The following FOXP1 variants were observed in gnomAD, a reference collection of about 807,000 sequenced individuals.
FOXP1 encodes forkhead box P1, also known as forkhead box protein P1.
In FOXP1, 15 loss-of-function variants were observed where a neutral mutation model predicts 98.2. The observed-to-expected ratio is 0.15, with a 90% CI of 0.10 to 0.24. The LOEUF is 0.24. FOXP1 is among the 10% of genes least tolerant of loss of function. The pLI, the probability that FOXP1 is intolerant of heterozygous loss-of-function variation, is 1.00. For synonymous variants in FOXP1, 371 were observed against 314.5 expected (o/e 1.18, Z -1.90); for missense variants, 633 against 848.5 (o/e 0.75, Z 3.15).
At chr3:71,581,105 T>C in intron 2 of FOXP1, 1 of 972,124 alleles carries the variant, frequency 1.0e-6, no homozygotes, top group East Asian at 1.1e-4. Context: ...AGTTTCATTT[T>C]GGGTCTTCTG....
At chr3:71,539,959 C>T (rs1365004512) in intron 2 of FOXP1, among the ~76,000 whole-genome samples, 2 of 152,200 alleles carry the variant, frequency 1.3e-5, no homozygotes, top group African/African-American at 4.8e-5. Context: ...ACACCTAGCA[C>T]ATAGTAGACA....
intron 11 of FOXP1, among the ~76,000 whole-genome samples, chr3:71,026,385 T>C (rs746780646): frequency 1.3e-5 from 2 of 152,126 alleles, no homozygotes; most frequent in African/African-American, 2.4e-5. Flanking sequence ...ATCCAGTCTG[T>C]AGCTGGGTTA....
intron 17 of FOXP1, among the ~76,000 whole-genome samples, chr3:70,973,499 G>C (rs1323089667): frequency 1.3e-5 from 2 of 152,090 alleles, no homozygotes; most frequent in Non-Finnish European, 2.9e-5. Flanking sequence ...TATCAAAAAG[G>C]AGGATCTCAA....
At chr3:71,251,825 C>A (rs2068212600) in intron 5 of FOXP1, among the ~76,000 whole-genome samples, 1 of 152,190 alleles carries the variant, frequency 6.6e-6, no homozygotes, top group African/African-American at 2.4e-5. Context: ...TTTGTAGGCT[C>A]AACGTAGACT....
intron 6 of FOXP1, among the ~76,000 whole-genome samples, chr3:71,114,196 CTTAAAAAGGA>C (rs2058179776): frequency 6.6e-6 from 1 of 152,158 alleles, no homozygotes; most frequent in Non-Finnish European, 1.5e-5. Flanking sequence ...TAGTGTGTTC[CTTAAAAAGGA>C]ACAGGTGCTT....
intron 11 of FOXP1, among the ~76,000 whole-genome samples, chr3:71,038,213 A>C (rs2047865301): frequency 6.6e-6 from 1 of 152,200 alleles, no homozygotes; most frequent in Non-Finnish European, 1.5e-5. Context: ...CTTTGAAAAC[A>C]ACAGTAACTC....
At chr3:71,243,487 T>C (rs1434474356) in intron 5 of FOXP1, among the ~76,000 whole-genome samples, 1 of 152,186 alleles carries the variant, frequency 6.6e-6, no homozygotes, top group Non-Finnish European at 1.5e-5. Flanking sequence ...AACCCGAGAT[T>C]GCATTTGGAC....
intron 5 of FOXP1, among the ~76,000 whole-genome samples, chr3:71,206,307 A>G (rs555985078): frequency 3.9e-4 from 60 of 152,356 alleles, no homozygotes; most frequent in Admixed American, 7.8e-4. Context: ...CTGAAACTCC[A>G]AAAGTAACAA....
At chr3:71,325,258 G>C (rs2107687595) in intron 4 of FOXP1, among the ~76,000 whole-genome samples, 1 of 152,130 alleles carries the variant, frequency 6.6e-6, no homozygotes, top group African/African-American at 2.4e-5. Flanking sequence ...TCACCATGTT[G>C]GCCAGGCGGG....
intron 3 of FOXP1, among the ~76,000 whole-genome samples, chr3:71,477,047 C>T (rs183761724): frequency 7.7e-4 from 117 of 152,222 alleles, no homozygotes; most frequent in African/African-American, 2.7e-3. Context: ...AAGGTGAGGG[C>T]CTTTATGTAT....
chr3:71,102,531 A>G (rs1219737041), intron 7 of FOXP1, among the ~76,000 whole-genome samples: 1 of 152,184 alleles, frequency 6.6e-6, no homozygotes, highest in Non-Finnish European at 1.5e-5. Context: ...ACTGCTTCTC[A>G]ATTTCAACGG....
Position 71,295,777 on chromosome 3 carries a change from G to GA in FOXP1, c.-12+4042dup, listed in dbSNP as rs560890633. Among the ~76,000 whole-genome samples, 131 of 152,238 alleles carry GA rather than the reference G, an allele frequency of 8.6e-4. 1 individual carries two copies. The highest frequency in any genetic ancestry group is 6.7e-3 in the East Asian group (35 of 5,188). ...AATTGTCAATGGTGAGGGGAGGCAGGAAAAAATGCCACAGAAACCTTTATT... is the reference window on the plus strand; with the variant it reads ...AATTGTCAATGGTGAGGGGAGGCAGGAAAAAAATGCCACAGAAACCTTTATT... On this transcript the variant is annotated intron_variant, in intron 5 of 20. Transcript: ENST00000649528.
At position 71,389,963 on chromosome 3, in the gene FOXP1, C is replaced by T. The variant is rs185696417; in HGVS notation, c.-167-30719G>A. Among the ~76,000 whole-genome samples the T allele has an allele frequency of 8.1e-4, 123 of 152,276 alleles. 1 individual carries two copies. Among genetic ancestry groups the T allele is most frequent in the Middle Eastern group, 3.4e-3 (1 of 294 alleles). ...AACCTTCAGCAGCAGAAAGCTCAGG[C>T]TGCGGTTTCTTGCCGAGGCAGCAAA... is the stretch of plus-strand genomic sequence containing the variant. On this transcript the variant is annotated intron_variant, in intron 3 of 20. Transcript: ENST00000649528.
chr3:71,431,615 C>A (rs1352867828), intron 3 of FOXP1, among the ~76,000 whole-genome samples: 3 of 152,194 alleles, frequency 2.0e-5, no homozygotes, highest in Admixed American at 2.0e-4. Context: ...CCACACAGCC[C>A]CATTGCCTGG....
chr3:71,388,836 G>A (rs1435613385), intron 3 of FOXP1, among the ~76,000 whole-genome samples: 4 of 152,070 alleles, frequency 2.6e-5, no homozygotes, highest in Non-Finnish European at 5.9e-5. Flanking sequence ...TTTGTCCCTA[G>A]CTATTCATCA....
chr3:71,571,737 T>C (rs2047354134), intron 2 of FOXP1: 1 of 152,194 alleles, frequency 6.6e-6, no homozygotes, highest in African/African-American at 2.4e-5. Context: ...TTCTATCCAC[T>C]CGAAATGAAC....
chr3:71,523,255 G>A (rs56343799), intron 2 of FOXP1, among the ~76,000 whole-genome samples: 49,451 of 152,078 alleles, frequency 0.33, 9,281 homozygotes, highest in Non-Finnish European at 0.43. Context: ...TTCTGAAAGA[G>A]TCCACTCTGC....
At chr3:71,447,788 G>C (rs1305456742) in intron 3 of FOXP1, among the ~76,000 whole-genome samples, 1 of 152,174 alleles carries the variant, frequency 6.6e-6, no homozygotes, top group Non-Finnish European at 1.5e-5. Context: ...GGCAGGGGGA[G>C]AGGGGTTTGG....
At chr3:71,351,985 T>C (rs1186504028) in intron 4 of FOXP1, among the ~76,000 whole-genome samples, 1 of 152,156 alleles carries the variant, frequency 6.6e-6, no homozygotes, top group East Asian at 1.9e-4. Flanking sequence ...AGCTCTTGTG[T>C]TAGCAAAAAG....
Sources: allele counts gnomAD v4.1 joint callset (sites outside exome capture counted in the v4.1 genomes callset), GRCh38; gene constraint gnomAD v4.1.1; transcripts MANE v1.5; gene names NCBI Gene and HGNC (gene_info 2026-07-23, HGNC 2026-07-21).